ANO6: variants seen among roughly 807,000 people sequenced by gnomAD.
ANO6 encodes anoctamin 6.
In ANO6, 106 loss-of-function variants were observed where a neutral mutation model predicts 117.5. The observed-to-expected ratio is 0.90, with a 90% CI of 0.77 to 1.06. ANO6 has a LOEUF of 1.06. Among genes scored for constraint, ANO6 ranks in the 50% least tolerant of loss-of-function variants. The pLI, the probability that ANO6 is intolerant of heterozygous loss-of-function variation, is 0.00. For missense variants in ANO6, 955 were observed against 1,121.1 expected (o/e 0.85, Z 2.12); for synonymous variants, 367 against 385.1 (o/e 0.95, Z 0.55).
intron 2 of ANO6, among the ~76,000 whole-genome samples, chr12:45,309,053 T>C (rs895814879): frequency 2.0e-5 from 3 of 152,244 alleles, no homozygotes; most frequent in Admixed American, 6.5e-5. Context: ...GAAAGAGGGA[T>C]TCTTAAATAA....
At chr12:45,266,375 A>G (rs1938214673) in intron 1 of ANO6, among the ~76,000 whole-genome samples, 2 of 152,226 alleles carry the variant, frequency 1.3e-5, no homozygotes, top group African/African-American at 4.8e-5. Flanking sequence ...TTTTAAAAAT[A>G]TATTGCATTG....
intron 10 of ANO6, among the ~76,000 whole-genome samples, chr12:45,383,969 ATCT>A (rs1942233094): frequency 1.3e-5 from 2 of 152,354 alleles, no homozygotes; most frequent in South Asian, 4.1e-4. Flanking sequence ...CCCAGATGAC[ATCT>A]TCTTCCAATG....
chr12:45,414,180 C>T (rs1943156452), intron 16 of ANO6, among the ~76,000 whole-genome samples: 4 of 151,796 alleles, frequency 2.6e-5, no homozygotes, highest in Admixed American at 2.6e-4. Flanking sequence ...CTTCAGAAAA[C>T]TCAACTGTAA....
rs148536966 is a variant in ANO6 at position 45,234,987 on chromosome 12, G to A, written c.70+18596G>A. ...CTTGTCAGTGTTTACTATCAGTCCA[G>A]CAGTAACCTTTCAGTTCTAATAATT... On this transcript the variant is annotated intron_variant, in intron 1 of 19. Coordinates refer to ENST00000320560, the MANE Select transcript of ANO6 (RefSeq NM_001025356.3). 9.4e-3 allele frequency among the ~76,000 whole-genome samples: 1,420 copies of A among 151,452 alleles called. 20 individuals carry two copies. Among genetic ancestry groups the A allele is most frequent in the African/African-American group, 0.032 (1,333 of 41,168 alleles).
intron 1 of ANO6, among the ~76,000 whole-genome samples, chr12:45,264,498 A>G (rs1187260890): frequency 6.6e-6 from 1 of 152,150 alleles, no homozygotes; most frequent in Non-Finnish European, 1.5e-5. Flanking sequence ...GCTTTTATTA[A>G]TTTTAAGAAG....
intron 2 of ANO6, among the ~76,000 whole-genome samples, chr12:45,319,208 A>G: frequency 6.6e-6 from 1 of 152,130 alleles, no homozygotes; most frequent in Non-Finnish European, 1.5e-5. Flanking sequence ...TTCAAAGGGA[A>G]TGCTTCCAGT....
chr12:45,389,662 T>A (rs141707022), intron 11 of ANO6, among the ~76,000 whole-genome samples: 4 of 152,360 alleles, frequency 2.6e-5, no homozygotes, highest in African/African-American at 9.6e-5. Flanking sequence ...GTGAAGTCTC[T>A]GATGCCAGAG....
At chr12:45,284,574 A>C (rs1449204736) in intron 1 of ANO6, among the ~76,000 whole-genome samples, 1 of 151,964 alleles carries the variant, frequency 6.6e-6, no homozygotes, top group Non-Finnish European at 1.5e-5. Context: ...ACCTCGTCCA[A>C]CTCCCAGCCA....
At chr12:45,319,714 C>T (rs1007806794) in intron 2 of ANO6, among the ~76,000 whole-genome samples, 24 of 152,188 alleles carry the variant, frequency 1.6e-4, no homozygotes, top group African/African-American at 5.8e-4. Flanking sequence ...CCTTGTACCT[C>T]TGGTAGAATT....
chr12:45,336,364 T>C (rs1331115438), intron 3 of ANO6, among the ~76,000 whole-genome samples: 2 of 152,092 alleles, frequency 1.3e-5, no homozygotes, highest in Non-Finnish European at 2.9e-5. Flanking sequence ...AGCTTTAATA[T>C]ACAATGTGTA....
chr12:45,388,385 G>A (rs1049324940), intron 11 of ANO6, 82 bp downstream of exon 11: 1 of 1,566,222 alleles, frequency 6.4e-7, no homozygotes. Context: ...GAATCACTTG[G>A]GGGAGCTTAA....
At chr12:45,353,569 T>C (rs1409564601) in intron 7 of ANO6, among the ~76,000 whole-genome samples, 1 of 152,212 alleles carries the variant, frequency 6.6e-6, no homozygotes, top group Admixed American at 6.5e-5. Flanking sequence ...ACATGTTCTT[T>C]CCCTTCATTG....
At chr12:45,388,659 T>G (rs1473128303) in intron 11 of ANO6, among the ~76,000 whole-genome samples, 1 of 152,182 alleles carries the variant, frequency 6.6e-6, no homozygotes, top group African/African-American at 2.4e-5. Flanking sequence ...GATTCTCAAT[T>G]TTTCACGTAT....
At chr12:45,216,659 G>A (rs1947318319) in intron 1 of ANO6, among the ~76,000 whole-genome samples, 1 of 152,240 alleles carries the variant, frequency 6.6e-6, no homozygotes, top group South Asian at 2.1e-4. Flanking sequence ...AAGCCTGGCA[G>A]CTGCGGGGAC....
At chr12:45,242,856 A>G (rs1947767435) in intron 1 of ANO6, among the ~76,000 whole-genome samples, 1 of 152,238 alleles carries the variant, frequency 6.6e-6, no homozygotes, top group African/African-American at 2.4e-5. Flanking sequence ...TTGGGTAAAA[A>G]AGGTGATCAT....
rs929752562 is a variant in ANO6 at position 45,216,249 on chromosome 12, G to A, written c.-73G>A. The A allele has an allele frequency of 2.0e-5, 31 of 1,524,004 alleles. No individual in the cohort carries two copies. Among genetic ancestry groups the A allele is most frequent in the Non-Finnish European group, 2.7e-5 (30 of 1,121,162 alleles). 94.4% of individuals were successfully genotyped at this position (1,524,004 alleles called of 1,614,324 possible). A position where few individuals can be genotyped will look rare whatever the true frequency, so the allele number is the denominator to read the frequency against. On this transcript the variant is annotated 5_prime_UTR_variant, in exon 1 of 20. Transcript: ENST00000320560. ...CCGCGGTCCCCGATCCGGCCCCTGG[G>A]AGAGCCGCGCCGTTCTGGAACCCGG...
chr12:45,277,023 A>G (rs1364853559), intron 1 of ANO6, among the ~76,000 whole-genome samples: 1 of 152,086 alleles, frequency 6.6e-6, no homozygotes, highest in Non-Finnish European at 1.5e-5. Flanking sequence ...AATTACCTCT[A>G]TATCTCTGGT....
At chr12:45,227,328 G>T (rs1369440776) in intron 1 of ANO6, among the ~76,000 whole-genome samples, 2 of 152,208 alleles carry the variant, frequency 1.3e-5, no homozygotes, top group African/African-American at 4.8e-5. Context: ...AAGGAGGAAA[G>T]ATGAACTTAT....
intron 3 of ANO6, among the ~76,000 whole-genome samples, chr12:45,338,889 G>A (rs1940901204): frequency 6.6e-6 from 1 of 152,000 alleles, no homozygotes; most frequent in Admixed American, 6.6e-5. Context: ...ATCCTACTGG[G>A]GGAATTAACA....
Sources: gnomAD v4.1 joint callset for allele counts (sites outside exome capture counted in the v4.1 genomes callset) on GRCh38, gnomAD v4.1.1 for gene constraint, MANE v1.5 for transcripts, NCBI Gene and HGNC (gene_info 2026-07-23, HGNC 2026-07-21) for gene names.